DPY30: variants seen among roughly 807,000 people sequenced by gnomAD.
The protein encoded by DPY30 is dpy-30 histone methyltransferase complex regulatory subunit, also known as protein dpy-30 homolog.
A neutral mutation model predicts 16.2 loss-of-function variants in DPY30; 6 were observed. The ratio of observed to expected loss-of-function variants is 0.37; its 90% CI spans 0.20 to 0.73. DPY30 has a LOEUF of 0.73. DPY30 is among the 30% of genes least tolerant of loss of function. The pLI, the probability that DPY30 is intolerant of heterozygous loss-of-function variation, is 0.51. For synonymous variants in DPY30, 39 were observed against 38.8 expected, an observed-to-expected ratio of 1.00 and a Z score of -0.02; for missense variants, 73 against 113.1, an observed-to-expected ratio of 0.65 and a Z score of 1.61.
At chr2:32,022,662 C>T (rs1675212041), downstream of DPY30, among the ~76,000 whole-genome samples, 1 of 151,924 alleles carries the variant, frequency 6.6e-6, no homozygotes, top group East Asian at 1.9e-4. Flanking sequence ...GGACGACAGG[C>T]ACATGCCACC....
rs1275921047 is a variant in DPY30, at chr2:32,030,695, A to G, written c.85-959T>C. Among the ~76,000 whole-genome samples, 3 of 151,832 alleles carry G rather than the reference A, an allele frequency of 2.0e-5. No individual in the cohort carries two copies. In the South Asian group the frequency reaches 6.2e-4, roughly 32 times the overall value. ...GTGCCTGTAGCCCCAGCTACTCAGGAGCCTGAGGTGGGAGGATCACTTGAG... is the reference window on the plus strand; with the variant it reads ...GTGCCTGTAGCCCCAGCTACTCAGGGGCCTGAGGTGGGAGGATCACTTGAG... On this transcript the variant is annotated intron_variant, in intron 3 of 4. Coordinates refer to ENST00000342166, the MANE Select transcript of DPY30 (RefSeq NM_001321209.2).
intron 5 of DPY30, chr2:32,012,984 T>C (rs1674998592): frequency 6.6e-6 from 1 of 152,304 alleles, no homozygotes; most frequent in African/African-American, 2.4e-5. Context: ...TGGATACAAT[T>C]AAACAAAGAA....
intron 3 of DPY30, among the ~76,000 whole-genome samples, chr2:32,034,424 G>T (rs140664106): frequency 3.3e-5 from 5 of 152,152 alleles, no homozygotes; most frequent in African/African-American, 9.7e-5. Context: ...GAGCAAGAGA[G>T]AAAGGAGTAG....
At chr2:32,013,248 G>GTT (rs1005103142) in intron 5 of DPY30, 2 of 152,110 alleles carry the variant, frequency 1.3e-5, no homozygotes, top group African/African-American at 4.8e-5. Flanking sequence ...AGCAACAATC[G>GTT]TAAGTCTCAT....
chr2:32,033,818 A>G (rs1675634076), intron 3 of DPY30, among the ~76,000 whole-genome samples: 1 of 152,244 alleles, frequency 6.6e-6, no homozygotes, highest in African/African-American at 2.4e-5. Flanking sequence ...TCACTTGTCA[A>G]AATCTTGAAC....
At chr2:32,026,792 C>G (rs1354755541) in intron 4 of DPY30, among the ~76,000 whole-genome samples, 1 of 151,686 alleles carries the variant, frequency 6.6e-6, no homozygotes, top group Non-Finnish European at 1.5e-5. Flanking sequence ...CTGGGCAACA[C>G]AGCAAAACTC....
At chr2:32,037,869 A>G (rs1010883049) in intron 3 of DPY30, among the ~76,000 whole-genome samples, 21 of 152,018 alleles carry the variant, frequency 1.4e-4, no homozygotes, top group African/African-American at 4.6e-4. Context: ...CTTTATTAAA[A>G]AAAACAAGAC....
chr2:32,038,229 G>A (rs1193983795), intron 3 of DPY30, among the ~76,000 whole-genome samples: 2 of 143,502 alleles, frequency 1.4e-5, no homozygotes, highest in Non-Finnish European at 3.0e-5. Context: ...TCCACCTCTC[G>A]GGTTCAAGCG....
chr2:32,037,739 G>A (rs577739947), intron 3 of DPY30, among the ~76,000 whole-genome samples: 27 of 151,798 alleles, frequency 1.8e-4, no homozygotes, highest in Non-Finnish European at 3.5e-4. Context: ...TGTATTTTCA[G>A]TAGAGACGGA....
At chr2:32,031,867 T>G (rs915242577) in intron 3 of DPY30, among the ~76,000 whole-genome samples, 25 of 151,326 alleles carry the variant, frequency 1.7e-4, no homozygotes, top group Non-Finnish European at 2.9e-4. Flanking sequence ...CACTCCAGCC[T>G]GGGTGACAGA....
intron 3 of DPY30, among the ~76,000 whole-genome samples, chr2:32,033,772 G>C (rs567875681): frequency 6.6e-6 from 1 of 152,222 alleles, no homozygotes; most frequent in Non-Finnish European, 1.5e-5. Context: ...GAACATTTAT[G>C]AATTATCTAC....
rs1675879757 is a variant in DPY30 at position 32,039,407 on chromosome 2, C to T, written c.36+14G>A. 6.2e-7 allele frequency: 1 copy of T among 1,614,060 alleles called. No individual in the cohort carries two copies. Among genetic ancestry groups the T allele is most frequent in the South Asian group, 1.1e-5 (1 of 91,084 alleles). ...CCTGCACACCGCCACCCTGAATCCA[C>T]GGCCTCCTGATACCTGCGTTTGTCC... On this transcript the variant is annotated intron_variant, in intron 2 of 4. Transcript: ENST00000342166.
intron 3 of DPY30, among the ~76,000 whole-genome samples, chr2:32,036,113 T>G: frequency 6.6e-6 from 1 of 150,588 alleles, no homozygotes; most frequent in Non-Finnish European, 1.5e-5. Context: ...GTCTCCTGAG[T>G]AGCTGGTACT....
Position 32,025,325 on chromosome 2 carries a change from T to C in DPY30, c.228-1069A>G, listed in dbSNP as rs1326943939. ...TAAAAATACAAAAATTAGCCGGTCA[T>C]GGCAGTGCGCACCTGTAATCCCAGC... On this transcript the variant is annotated intron_variant, in intron 4 of 4. Coordinates refer to ENST00000342166, the MANE Select transcript of DPY30 (RefSeq NM_001321209.2). 4.6e-5 allele frequency among the ~76,000 whole-genome samples: 7 copies of C among 152,160 alleles called. No individual in the cohort carries two copies. In the East Asian group the frequency reaches 5.8e-4, roughly 13 times the overall value.
chr2:32,036,423 G>A (rs1439759301), intron 3 of DPY30, among the ~76,000 whole-genome samples: 1 of 152,122 alleles, frequency 6.6e-6, no homozygotes, highest in Non-Finnish European at 1.5e-5. Context: ...TGTAATCCCA[G>A]CACTTTGGGA....
intron 1 of DPY30, 21 bp downstream of exon 1, chr2:32,039,711 TG>T: frequency 1.7e-6 from 1 of 579,636 alleles, no homozygotes; most frequent in Non-Finnish European, 3.1e-6. Flanking sequence ...AGTGAGAAAG[TG>T]GGGGAAAGGG....
chr2:32,014,644 C>T (rs1191369145), intron 5 of DPY30, among the ~76,000 whole-genome samples: 1 of 152,038 alleles, frequency 6.6e-6, no homozygotes, highest in Non-Finnish European at 1.5e-5. Flanking sequence ...CCACCACGCC[C>T]GGCTAATTTT....
At chr2:32,038,336 A>G (rs1675828692) in intron 3 of DPY30, among the ~76,000 whole-genome samples, 1 of 137,242 alleles carries the variant, frequency 7.3e-6, no homozygotes, top group East Asian at 2.2e-4. Flanking sequence ...TCCTGACCTC[A>G]GGTGATCAGC....
intron 3 of DPY30, among the ~76,000 whole-genome samples, chr2:32,030,083 T>A (rs78077977): frequency 0.017 from 1,720 of 101,744 alleles, 35 homozygotes; most frequent in African/African-American, 0.056. Flanking sequence ...AAAAAAAAAA[T>A]AATGAATGTA....
Sources: gnomAD v4.1 joint callset for allele counts (sites outside exome capture counted in the v4.1 genomes callset) on GRCh38, gnomAD v4.1.1 for gene constraint, MANE v1.5 for transcripts, NCBI Gene and HGNC (gene_info 2026-07-23, HGNC 2026-07-21) for gene names.